The following IL31RA variants were observed in gnomAD, a reference collection of about 807,000 sequenced individuals.
The protein encoded by IL31RA is interleukin-31 receptor subunit alpha.
IL31RA carries 66 observed loss-of-function variants against 83.7 expected under a neutral mutation model. The ratio of observed to expected loss-of-function variants is 0.79; its 90% CI spans 0.65 to 0.97. The LOEUF (loss-of-function observed/expected upper bound fraction) is 0.97, where lower values mean the gene tolerates loss of function less well. Ranked by LOEUF, IL31RA falls within the 50% of genes least tolerant of loss-of-function variation. IL31RA has a pLI of 0.00. For synonymous variants in IL31RA, 325 were observed against 329.0 expected, an observed-to-expected ratio of 0.99 and a Z score of 0.13; for missense variants, 798 against 919.4, an observed-to-expected ratio of 0.87 and a Z score of 1.71.
rs1268574189 is a variant in IL31RA, at chr5:55,922,177, A to G, written c.*5057A>G. Among the ~76,000 whole-genome samples the G allele has an allele frequency of 6.6e-6, 1 of 151,406 alleles. No homozygotes were observed. Among genetic ancestry groups the G allele is most frequent in the Non-Finnish European group, 1.5e-5 (1 of 67,972 alleles). ...TCCGAAGCACAAACAGCTCCAATCC[A>G]TGCTGGAAGAGACCCCAGGCCACAA... On this transcript the variant is annotated 3_prime_UTR_variant, in exon 15 of 15. Coordinates refer to ENST00000652347, the MANE Select transcript of IL31RA (RefSeq NM_139017.7).
chr5:55,917,303 A>G lies in IL31RA; in HGVS notation c.*183A>G, dbSNP rs1749848002. 1 of 1,493,878 alleles carries G rather than the reference A, an allele frequency of 6.7e-7. No homozygotes were observed. The allele number at this position is 1,493,878 out of a possible 1,614,324, so 92.5% of individuals were successfully genotyped here. A position where few individuals can be genotyped will look rare whatever the true frequency, so the allele number is the denominator to read the frequency against. ...AAAGATGCGACCTTGTACTGGGAAG[A>G]AGGGATGGTGATAAGCCCGAGTTTT... On this transcript the variant is annotated 3_prime_UTR_variant, in exon 15 of 15. Transcript: ENST00000652347.
intron 5 of IL31RA, among the ~76,000 whole-genome samples, chr5:55,888,999 G>A (rs1012143419): frequency 1.6e-4 from 24 of 152,130 alleles, no homozygotes; most frequent in Admixed American, 1.6e-3. Flanking sequence ...TCTCTTGCAG[G>A]ATCCATGGGA....
rs376640920 is a variant in IL31RA, at chr5:55,914,838, T to G, written c.1737-9T>G. ...TCAATTCCCATCTTAAAATCTTCTCTCTCATTAGCAAATTGACTCATCTGT... is the reference window on the plus strand; with the variant it reads ...TCAATTCCCATCTTAAAATCTTCTCGCTCATTAGCAAATTGACTCATCTGT... On this transcript the variant is annotated splice_polypyrimidine_tract_variant and intron_variant, in intron 13 of 14. Transcript: ENST00000652347. The G allele has an allele frequency of 1.7e-5, 27 of 1,602,158 alleles. No homozygotes were observed. The highest frequency in any genetic ancestry group is 2.2e-5 in the Non-Finnish European group (26 of 1,169,002).
At chr5:55,904,662 C>G (rs1749023547) in intron 8 of IL31RA, among the ~76,000 whole-genome samples, 1 of 152,068 alleles carries the variant, frequency 6.6e-6, no homozygotes, top group African/African-American at 2.4e-5. Context: ...CTCATAAGGA[C>G]CCTGTTTGGG....
At chr5:55,885,458 G>T (rs1580699083) in intron 5 of IL31RA, among the ~76,000 whole-genome samples, 1 of 152,180 alleles carries the variant, frequency 6.6e-6, no homozygotes, top group African/African-American at 2.4e-5. Flanking sequence ...CCACCTCACA[G>T]ACTGAATACC....
At chr5:55,873,352 T>C (rs966386188) in intron 4 of IL31RA, among the ~76,000 whole-genome samples, 7 of 152,160 alleles carry the variant, frequency 4.6e-5, no homozygotes, top group African/African-American at 1.7e-4. Context: ...TTATTATGAA[T>C]AATGTTGCTG....
Position 55,873,446 on chromosome 5 carries a change from A to T in IL31RA, c.454+995A>T, listed in dbSNP as rs985168797. The stretch of plus-strand genomic sequence containing the variant: ...TAGTGAAATTGCTGAGTCACATGGT[A>T]ACTCAATGTTTAACTTTTGGTAGAA... On this transcript the variant is annotated intron_variant, in intron 4 of 14. Transcript: ENST00000652347. Among the ~76,000 whole-genome samples the T allele has an allele frequency of 1.1e-4, 17 of 152,268 alleles. 1 individual carries two copies. The highest frequency in any genetic ancestry group is 3.6e-4 in the African/African-American group (15 of 41,574).
rs74622878 is a variant in IL31RA at position 55,858,499 on chromosome 5, T to C, written c.64-1010T>C. ...ATCAAAATGGCTATCTTTATTATCT[T>C]AGGCAGTTCCAATTCGCTAAGGATT... is the stretch of plus-strand genomic sequence containing the variant. On this transcript the variant is annotated intron_variant, in intron 1 of 14. Transcript: ENST00000652347. Among the ~76,000 whole-genome samples the C allele has an allele frequency of 2.0e-3, 306 of 152,346 alleles. 9 individuals carry two copies. In the East Asian group the frequency reaches 0.054, roughly 27 times the overall value.
chr5:55,891,007 A>T, intron 6 of IL31RA, among the ~76,000 whole-genome samples: 1 of 152,198 alleles, frequency 6.6e-6, no homozygotes, highest in Non-Finnish European at 1.5e-5. Flanking sequence ...ATGTAAGTTG[A>T]GTTTATAGTA....
intron 2 of IL31RA, 58 bp downstream of exon 2, chr5:55,859,657 AG>A: frequency 8.2e-7 from 1 of 1,222,162 alleles, no homozygotes; most frequent in Non-Finnish European, 1.2e-6. Context: ...TCTTTGGACA[AG>A]AGTTGTTAAC....
chr5:55,871,308 T>C (rs1384160691), intron 3 of IL31RA, among the ~76,000 whole-genome samples: 1 of 152,214 alleles, frequency 6.6e-6, no homozygotes, highest in Admixed American at 6.5e-5. Flanking sequence ...CAAAATTCCA[T>C]GATTCTATGT....
At position 55,920,785 on chromosome 5, in the gene IL31RA, GT is replaced by G. The variant is rs1251196010; in HGVS notation, c.*3667del. Among the ~76,000 whole-genome samples, 7 of 152,174 alleles carry G rather than the reference GT, an allele frequency of 4.6e-5. No homozygotes were observed. Among genetic ancestry groups the G allele is most frequent in the African/African-American group, 1.7e-4 (7 of 41,438 alleles). ...TTGAAGGGTGCACACACACTTACTG[GT>G]TCCCCACCAGCCCTCCTAAATTCCT... On this transcript the variant is annotated 3_prime_UTR_variant, in exon 15 of 15. Transcript: ENST00000652347.
At chr5:55,891,761 A>ATTTTTT (rs35672011) in intron 6 of IL31RA, among the ~76,000 whole-genome samples, 2,954 of 60,038 alleles carry the variant, frequency 0.049, 697 homozygotes, top group East Asian at 0.067. Flanking sequence ...TTTGGACAAG[A>ATTTTTT]TTTTTTTTTT....
At chr5:55,867,113 ATGTGTGTGTTTG>A (rs1437634783) in intron 2 of IL31RA, among the ~76,000 whole-genome samples, 3 of 101,802 alleles carry the variant, frequency 2.9e-5, no homozygotes, top group South Asian at 3.4e-4. Flanking sequence ...GTGTGTGTGC[ATGTGTGTGTTTG>A]TGTGTGTGTG....
chr5:55,920,198 A>G lies in IL31RA; in HGVS notation c.*3078A>G, dbSNP rs755590066. Among the ~76,000 whole-genome samples, 43 of 152,234 alleles carry G rather than the reference A, an allele frequency of 2.8e-4. No individual in the cohort carries two copies. Among genetic ancestry groups the G allele is most frequent in the Admixed American group, 5.2e-4 (8 of 15,286 alleles). On this transcript the variant is annotated 3_prime_UTR_variant, in exon 15 of 15. Coordinates refer to ENST00000652347, the MANE Select transcript of IL31RA (RefSeq NM_139017.7). ...GAGAGATGAAAAAGGAGAGGCCCAC[A>G]GTATGGATGCCTCCGGCTGCTCTGC...
Position 55,851,642 on chromosome 5 carries a change from T to C in IL31RA, c.63+9T>C. 6.2e-7 allele frequency: 1 copy of C among 1,613,852 alleles called. No individual in the cohort carries two copies. The highest frequency in any genetic ancestry group is 1.7e-4 in the Middle Eastern group (1 of 6,054). Reference sequence around the variant, plus strand: ...AATGTCCGCAAAACATTGTGAGTATTGATTTGGGGGGTTACAAATAATTCC... The same window carrying C: ...AATGTCCGCAAAACATTGTGAGTATCGATTTGGGGGGTTACAAATAATTCC... On this transcript the variant is annotated intron_variant, in intron 1 of 14. Coordinates refer to ENST00000652347, the MANE Select transcript of IL31RA (RefSeq NM_139017.7).
intron 4 of IL31RA, among the ~76,000 whole-genome samples, chr5:55,877,451 C>G (rs951978884): frequency 3.3e-5 from 5 of 152,212 alleles, no homozygotes; most frequent in African/African-American, 1.2e-4. Context: ...ATATCTTCAT[C>G]TGGCTCCAAG....
chr5:55,853,563 T>G, intron 1 of IL31RA: 1 of 1,550,994 alleles, frequency 6.4e-7, no homozygotes, highest in Non-Finnish European at 8.7e-7. Flanking sequence ...CCCTGATACA[T>G]GAAGGTGAGT....
chr5:55,897,208 T>C (rs1274902508), intron 7 of IL31RA, among the ~76,000 whole-genome samples: 3 of 148,198 alleles, frequency 2.0e-5, no homozygotes, highest in Non-Finnish European at 4.5e-5. Context: ...ACTGTGATTC[T>C]TGAAATTTTA....
Sources: allele counts gnomAD v4.1 joint callset (sites outside exome capture counted in the v4.1 genomes callset), GRCh38; gene constraint gnomAD v4.1.1; transcripts MANE v1.5; gene names NCBI Gene and HGNC (gene_info 2026-07-23, HGNC 2026-07-21).